The following RETSAT variants were observed in gnomAD, a reference collection of about 807,000 sequenced individuals.
RETSAT encodes retinol saturase.
A neutral mutation model predicts 61.6 loss-of-function variants in RETSAT; 35 were observed. That is an observed-to-expected ratio of 0.57 (90% CI 0.43 to 0.75). The LOEUF is 0.75. Among genes scored for constraint, RETSAT ranks in the 30% least tolerant of loss-of-function variants. RETSAT has a pLI of 0.00. For missense variants in RETSAT, 670 were observed against 759.5 expected (o/e 0.88, Z 1.38); for synonymous variants, 277 against 310.4 (o/e 0.89, Z 1.13).
intron 1 of RETSAT, among the ~76,000 whole-genome samples, chr2:85,353,832 C>G (rs1050221760): frequency 6.6e-6 from 1 of 152,202 alleles, no homozygotes; most frequent in African/African-American, 2.4e-5. Flanking sequence ...GAGCCTGAGG[C>G]GCCTTGTTGA....
chr2:85,343,006 A>G lies in RETSAT; in HGVS notation c.*236T>C, dbSNP rs530015857. Reference sequence around the variant, plus strand: ...ATCAAGCTATCCAAGTCAATATCCTATTAGTAGGGATGGCATGTTATAAAA... The same window carrying G: ...ATCAAGCTATCCAAGTCAATATCCTGTTAGTAGGGATGGCATGTTATAAAA... On this transcript the variant is annotated 3_prime_UTR_variant, in exon 11 of 11. Transcript: ENST00000295802. 364 of 441,982 alleles carry G rather than the reference A, an allele frequency of 8.2e-4. 1 individual carries two copies. Among genetic ancestry groups the G allele is most frequent in the South Asian group, 2.3e-3 (73 of 31,848 alleles). 27.4% of individuals were successfully genotyped at this position (441,982 alleles called of 1,614,324 possible). A position where few individuals can be genotyped will look rare whatever the true frequency, so the allele number is the denominator to read the frequency against.
At chr2:85,349,050 T>G (rs1683253992) in intron 5 of RETSAT, among the ~76,000 whole-genome samples, 2 of 150,438 alleles carry the variant, frequency 1.3e-5, no homozygotes, top group African/African-American at 2.5e-5. Flanking sequence ...TGCCCGGCCA[T>G]ATTTTTGTTT....
chr2:85,343,799 C>T lies in RETSAT; in HGVS notation c.1534-1G>A. 6.2e-7 allele frequency: 1 copy of T among 1,613,650 alleles called. No individual in the cohort carries two copies. The stretch of plus-strand genomic sequence containing the variant: ...GGGATCCTGCAGTCACACTCTCCAC[C>T]TGAGGGCAGAAAGGGTGGGGCAGGC... On this transcript the variant is annotated splice_acceptor_variant, in intron 9 of 10. Transcript: ENST00000295802. LOFTEE classifies it high-confidence loss of function.
At chr2:85,346,200 G>C in intron 5 of RETSAT, 106 bp from the exon 6 acceptor site, 1 of 1,455,412 alleles carries the variant, frequency 6.9e-7, no homozygotes, top group Non-Finnish European at 9.3e-7. Flanking sequence ...CTCAGACCTT[G>C]GAGTCCAGCT....
rs9808566 is a variant in RETSAT, at chr2:85,342,754, C to A, written c.*488G>T. On this transcript the variant is annotated 3_prime_UTR_variant, in exon 11 of 11. Coordinates refer to ENST00000295802, the MANE Select transcript of RETSAT (RefSeq NM_017750.4). The stretch of plus-strand genomic sequence containing the variant: ...ACCTATGGAATGGCAACCAAAACCA[C>A]GCCCAGGTTTTGAGTTAAGCCTCAT... 2 of 153,242 alleles carry A rather than the reference C, an allele frequency of 1.3e-5. No individual in the cohort carries two copies. Among genetic ancestry groups the A allele is most frequent in the African/African-American group, 4.9e-5 (2 of 41,068 alleles). The allele number at this position is 153,242 out of a possible 1,614,324, so 9.5% of individuals were successfully genotyped here.
Position 85,349,200 on chromosome 2 carries a change from C to G in RETSAT, c.997+184G>C, listed in dbSNP as rs1272022594. On this transcript the variant is annotated intron_variant, in intron 5 of 10. Coordinates refer to ENST00000295802, the MANE Select transcript of RETSAT (RefSeq NM_017750.4). ...CCACTATGCCCGGCCAATCCTTTAT[C>G]TTTCCTGCTTCCTTTTTATTTCTGG... Among the ~76,000 whole-genome samples, 3 of 152,122 alleles carry G rather than the reference C, an allele frequency of 2.0e-5. No homozygotes were observed. In the East Asian group the frequency reaches 5.8e-4, roughly 29 times the overall value.
At chr2:85,348,401 T>C (rs962422745) in intron 5 of RETSAT, among the ~76,000 whole-genome samples, 11 of 152,054 alleles carry the variant, frequency 7.2e-5, no homozygotes, top group Non-Finnish European at 1.0e-4. Context: ...GAGGCCAAGG[T>C]GGGCGGATCA....
At chr2:85,349,310 G>GT in intron 5 of RETSAT, 74 bp downstream of exon 5, 1 of 1,449,864 alleles carries the variant, frequency 6.9e-7, no homozygotes, top group Non-Finnish European at 9.6e-7. Context: ...ACTCCTTCTG[G>GT]TCTCAGGGAG....
chr2:85,344,143 G>A lies in RETSAT; in HGVS notation c.1389C>T (p.Leu463=), dbSNP rs754771161. 17 of 1,614,006 alleles carry A rather than the reference G, an allele frequency of 1.1e-5. No homozygotes were observed. In the East Asian group the frequency reaches 2.9e-4, roughly 27 times the overall value. ...CAAACCACTCGTAGGCAGTGGGTAT[G>A]AGCATGATCATGGTGGACCGGCCTG... ...RFPGRSTMIM[L]IPTAYEWFEE... is the part of the protein sequence containing the mutation. Residue 463 remains leucine, a synonymous_variant, in exon 9 of 11, where the codon CTC becomes CTT. Coordinates refer to ENST00000295802, the MANE Select transcript of RETSAT (RefSeq NM_017750.4).
chr2:85,344,555 G>A, intron 7 of RETSAT, 39 bp downstream of exon 7: 2 of 1,606,730 alleles, frequency 1.2e-6, no homozygotes, highest in Non-Finnish European at 1.7e-6. Context: ...CAAGCAGGGA[G>A]GCACGGGCCA....
Position 85,354,345 on chromosome 2 carries a change from G to T in RETSAT, c.163C>A (p.Leu55Ile). The T allele has an allele frequency of 6.2e-7, 1 of 1,614,234 alleles. No homozygotes were observed. Among genetic ancestry groups the T allele is most frequent in the Admixed American group, 1.7e-5 (1 of 60,034 alleles). Reference sequence around the variant, plus strand: ...GGGTCCCTCCTGCTACCTTGTTTGAGAACCTTCTTCCTGGCCTCCTTGTCA... The same window carrying T: ...GGGTCCCTCCTGCTACCTTGTTTGATAACCTTCTTCCTGGCCTCCTTGTCA... ...VTDKEARKKV[L>I]KQAFSANQVP... The change falls in exon 1 of 11, where the codon CTC becomes ATC. Residue 55 changes from leucine (L) to isoleucine (I), a missense_variant. Physicochemically the swap from Leu to Ile is conservative, Grantham distance 5. Transcript: ENST00000295802.
At position 85,343,338 on chromosome 2, in the gene RETSAT, A is replaced by C; in HGVS notation, c.1737T>G (p.Gly579=). 1 of 1,614,234 alleles carries C rather than the reference A, an allele frequency of 6.2e-7. No homozygotes were observed. The highest frequency in any genetic ancestry group is 8.5e-7 in the Non-Finnish European group (1 of 1,180,028). Residue 579 remains glycine (G), a synonymous_variant, in exon 11 of 11, where the codon GGT becomes GGG. Coordinates refer to ENST00000295802, the MANE Select transcript of RETSAT (RefSeq NM_017750.4). ...FTCGLVGALQ[G]ALLCSSAILK... is the part of the protein sequence containing the mutation. ...GGATGGCGCTGCTGCACAGCAGGGC[A>C]CCTTGCAGGGCCCCGACCAGTCCAC...
intron 1 of RETSAT, 42 bp downstream of exon 1, chr2:85,354,294 A>G: frequency 6.2e-7 from 1 of 1,608,314 alleles, no homozygotes; most frequent in Non-Finnish European, 8.5e-7. Context: ...TCTGTGAGAA[A>G]GCCTCGAGTG....
At chr2:85,346,803 G>A (rs770362432) in intron 5 of RETSAT, among the ~76,000 whole-genome samples, 1 of 152,088 alleles carries the variant, frequency 6.6e-6, no homozygotes, top group Non-Finnish European at 1.5e-5. Flanking sequence ...ATAAAACCCT[G>A]CAATGATGCC....
chr2:85,344,022 G>C lies in RETSAT; in HGVS notation c.1510C>G (p.Leu504Val). ...VEASMSVVLK[L>V]FPQLEGKVES... ...ACCTTCCCCTCCAGCTGTGGGAACA[G>C]TTTCAGGACCACTGACATAGAGGCT... is the stretch of plus-strand genomic sequence containing the variant. The change falls in exon 9 of 11, where the codon CTG becomes GTG. Residue 504 changes from leucine (L) to valine (V), a missense_variant. Leu to Val is a conservative substitution (Grantham distance 32). Coordinates refer to ENST00000295802, the MANE Select transcript of RETSAT (RefSeq NM_017750.4). 2 of 1,614,106 alleles carry C rather than the reference G, an allele frequency of 1.2e-6. No individual in the cohort carries two copies. The highest frequency in any genetic ancestry group is 1.7e-6 in the Non-Finnish European group (2 of 1,180,016).
At chr2:85,344,864 C>T (rs1485357283) in intron 6 of RETSAT, 132 bp from the exon 7 acceptor site, 2 of 908,106 alleles carry the variant, frequency 2.2e-6, no homozygotes, top group African/African-American at 3.4e-5. Context: ...ACTCTGCTTC[C>T]TTCATTTAAC....
intron 5 of RETSAT, among the ~76,000 whole-genome samples, chr2:85,348,996 G>A (rs1032589833): frequency 1.3e-5 from 2 of 151,270 alleles, no homozygotes; most frequent in African/African-American, 4.9e-5. Flanking sequence ...TGAGCTGCCC[G>A]CCTCGGCCTC....
Position 85,351,747 on chromosome 2 carries a change from C to T in RETSAT, c.288G>A (p.Leu96=). The change falls in exon 2 of 11, where the codon CTG becomes CTA. Residue 96 remains leucine (L), a synonymous_variant. Coordinates refer to ENST00000295802, the MANE Select transcript of RETSAT (RefSeq NM_017750.4). ...LAKAGKRVLV[L]EQHTKAGGCC... is the part of the protein sequence containing the mutation. ...AGCCCCCTGCCTTGGTATGTTGTTCCAGCACCAGGACTCGCTTGCCAGCTT... is the reference window on the plus strand; with the variant it reads ...AGCCCCCTGCCTTGGTATGTTGTTCTAGCACCAGGACTCGCTTGCCAGCTT... 1 of 1,614,186 alleles carries T rather than the reference C, an allele frequency of 6.2e-7. No individual in the cohort carries two copies.
At chr2:85,346,156 G>T in intron 5 of RETSAT, 62 bp from the exon 6 acceptor site, 2 of 1,564,470 alleles carry the variant, frequency 1.3e-6, no homozygotes, top group East Asian at 2.3e-5. Context: ...AAGGCCCACG[G>T]CCCCCATGGA....
Sources: allele counts gnomAD v4.1 joint callset (sites outside exome capture counted in the v4.1 genomes callset), GRCh38; gene constraint gnomAD v4.1.1; transcripts MANE v1.5; gene names NCBI Gene and HGNC (gene_info 2026-07-23, HGNC 2026-07-21).